The following NCKAP1 variants were observed in gnomAD, a reference collection of about 807,000 sequenced individuals.
NCKAP1 encodes the protein NCK associated protein 1, also known as nck-associated protein 1.
Under a neutral mutation model 151.2 loss-of-function variants are expected in NCKAP1, and 21 were observed. That is an observed-to-expected ratio of 0.14 (90% CI 0.10 to 0.20). NCKAP1 has a LOEUF of 0.20. Among genes scored for constraint, NCKAP1 ranks in the 10% least tolerant of loss-of-function variants. The pLI, the probability that NCKAP1 is intolerant of heterozygous loss-of-function variation, is 1.00. For synonymous variants in NCKAP1, 484 were observed against 451.8 expected, an observed-to-expected ratio of 1.07 and a Z score of -0.90; for missense variants, 933 against 1,352.1, an observed-to-expected ratio of 0.69 and a Z score of 4.86.
At chr2:182,983,076 G>C (rs907831613) in intron 11 of NCKAP1, 149 bp from the exon 12 acceptor site, 8 of 705,714 alleles carry the variant, frequency 1.1e-5, no homozygotes, top group Non-Finnish European at 1.7e-5. Context: ...AAGAGAACCT[G>C]TAAGTATGTA....
At chr2:182,970,341 C>T (rs1408245780) in intron 15 of NCKAP1, among the ~76,000 whole-genome samples, 2 of 152,080 alleles carry the variant, frequency 1.3e-5, no homozygotes, top group African/African-American at 2.4e-5. Flanking sequence ...TCATCACTTA[C>T]GAACATAGAT....
chr2:182,957,552 A>G lies in NCKAP1; in HGVS notation c.1926T>C (p.Asn642=), dbSNP rs779411686. The G allele has an allele frequency of 9.3e-6, 15 of 1,613,652 alleles. No homozygotes were observed. In the Admixed American group the frequency reaches 1.5e-4, roughly 16 times the overall value. The stretch of plus-strand genomic sequence containing the variant: ...TACCAGTCTGCTTTTTTGATTTCTT[A>G]TTCACTGCTTGACTGATAGTTTTGG... ...HCAKTISQAV[N]KKSKKQTGKK... is the part of the protein sequence containing the mutation. The change falls in exon 19 of 31, where the codon AAT becomes AAC. Residue 642 remains asparagine, a synonymous_variant. Transcript: ENST00000361354.
intron 24 of NCKAP1, among the ~76,000 whole-genome samples, chr2:182,939,831 A>T (rs924660039): frequency 6.6e-6 from 1 of 152,200 alleles, no homozygotes; most frequent in Non-Finnish European, 1.5e-5. Flanking sequence ...TCTTTTTCCA[A>T]ATTATAGAAA....
chr2:182,977,477 G>A (rs575791099), intron 14 of NCKAP1, among the ~76,000 whole-genome samples: 77 of 152,206 alleles, frequency 5.1e-4, no homozygotes, highest in African/African-American at 1.7e-3. Context: ...GCAACAGAGC[G>A]GGACTGGGTC....
chr2:182,980,365 AT>A (rs1208126982), intron 13 of NCKAP1, among the ~76,000 whole-genome samples: 1 of 152,010 alleles, frequency 6.6e-6, no homozygotes, highest in South Asian at 2.1e-4. Context: ...TTTGAAAAAA[AT>A]GAGATCTTCA....
intron 2 of NCKAP1, among the ~76,000 whole-genome samples, chr2:183,015,920 A>G (rs1177640835): frequency 6.6e-6 from 1 of 152,066 alleles, no homozygotes. Context: ...GGAAGTAATC[A>G]ATGATCCAAA....
intron 10 of NCKAP1, among the ~76,000 whole-genome samples, chr2:182,985,522 G>C (rs1010412991): frequency 2.0e-5 from 3 of 150,414 alleles, no homozygotes; most frequent in African/African-American, 7.5e-5. Flanking sequence ...GTAAATATTT[G>C]CCGGGCACGG....
At chr2:182,998,859 G>A (rs1698324864) in intron 6 of NCKAP1, among the ~76,000 whole-genome samples, 2 of 7,454 alleles carry the variant, frequency 2.7e-4, no homozygotes, top group African/African-American at 9.4e-4. Context: ...AAAAAAAAAG[G>A]GGGGAAGGAA....
chr2:182,984,236 CA>C (rs1285234214), intron 10 of NCKAP1, among the ~76,000 whole-genome samples: 3 of 151,628 alleles, frequency 2.0e-5, no homozygotes, highest in African/African-American at 4.8e-5. Flanking sequence ...CACTCTTGTT[CA>C]AAAATAGAAA....
At chr2:182,954,956 C>A (rs1018142338) in intron 20 of NCKAP1, among the ~76,000 whole-genome samples, 1 of 152,092 alleles carries the variant, frequency 6.6e-6, no homozygotes, top group Non-Finnish European at 1.5e-5. Flanking sequence ...GAGCTGTACA[C>A]TGAACTCTCC....
At chr2:182,991,520 C>T (rs1266808654) in intron 8 of NCKAP1, among the ~76,000 whole-genome samples, 1 of 152,060 alleles carries the variant, frequency 6.6e-6, no homozygotes, top group Non-Finnish European at 1.5e-5. Flanking sequence ...GATCATGCCA[C>T]TGCACTCCAG....
chr2:182,947,577 C>A (rs561205828), intron 23 of NCKAP1, among the ~76,000 whole-genome samples: 3 of 152,088 alleles, frequency 2.0e-5, no homozygotes, highest in Non-Finnish European at 4.4e-5. Context: ...TTTAGTTCTT[C>A]TTTAAAGAAG....
At chr2:182,955,480 T>C (rs532467341) in intron 20 of NCKAP1, among the ~76,000 whole-genome samples, 8 of 152,328 alleles carry the variant, frequency 5.3e-5, no homozygotes, top group South Asian at 4.1e-4. Flanking sequence ...TTCTGACTTA[T>C]CAATGCACTA....
intron 23 of NCKAP1, among the ~76,000 whole-genome samples, chr2:182,949,538 G>C (rs1013274771): frequency 2.0e-5 from 3 of 152,132 alleles, no homozygotes; most frequent in East Asian, 1.9e-4. Flanking sequence ...ACAGTGGCTC[G>C]TGCCTGTAAT....
chr2:183,038,228 T>A lies in NCKAP1; in HGVS notation c.-129A>T, dbSNP rs1198747188. On this transcript the variant is annotated 5_prime_UTR_variant, in exon 1 of 31. It removes an upstream start codon present in the reference 5' UTR. Coordinates refer to ENST00000361354, the MANE Select transcript of NCKAP1 (RefSeq NM_013436.5). The stretch of plus-strand genomic sequence containing the variant: ...CCTCCGCCTTAGGAGAGCGCGCCCA[T>A]GGCCCTCGCGCCCCAATCCCGCGCC... 44 of 549,696 alleles carry A rather than the reference T, an allele frequency of 8.0e-5. No individual in the cohort carries two copies. Among genetic ancestry groups the A allele is most frequent in the Non-Finnish European group, 1.3e-4 (43 of 339,950 alleles). The allele number at this position is 549,696 out of a possible 1,614,324, so 34.1% of individuals were successfully genotyped here. A position where few individuals can be genotyped will look rare whatever the true frequency, so the allele number is the denominator to read the frequency against.
intron 2 of NCKAP1, 34 bp from the exon 3 acceptor site, chr2:183,003,359 G>C (rs1698408577): frequency 6.5e-6 from 8 of 1,223,550 alleles, no homozygotes; most frequent in Admixed American, 2.1e-5. Flanking sequence ...ATTGCTCATA[G>C]AGAACAAAAG....
chr2:182,945,009 C>T (rs1285063941), intron 23 of NCKAP1, among the ~76,000 whole-genome samples: 1 of 151,964 alleles, frequency 6.6e-6, no homozygotes, highest in Non-Finnish European at 1.5e-5. Flanking sequence ...CCGAGGTGGG[C>T]GGATCACCTG....
chr2:182,954,427 A>G (rs1182426218), intron 20 of NCKAP1, among the ~76,000 whole-genome samples: 4 of 152,178 alleles, frequency 2.6e-5, no homozygotes, highest in African/African-American at 9.7e-5. Context: ...TTGTATTTGT[A>G]AGGATGAATC....
At chr2:182,946,528 C>G (rs2105816135) in intron 23 of NCKAP1, among the ~76,000 whole-genome samples, 1 of 151,674 alleles carries the variant, frequency 6.6e-6, no homozygotes, top group South Asian at 2.1e-4. Context: ...ATCTGTGTGC[C>G]AAACCCATGA....
Sources: allele counts gnomAD v4.1 joint callset (sites outside exome capture counted in the v4.1 genomes callset), GRCh38; gene constraint gnomAD v4.1.1; transcripts MANE v1.5; gene names NCBI Gene and HGNC (gene_info 2026-07-23, HGNC 2026-07-21).